CADM2: variants seen among roughly 807,000 people sequenced by gnomAD.
The protein encoded by CADM2 is immunoglobulin superfamily member 4D.
A neutral mutation model predicts 49.8 loss-of-function variants in CADM2; 12 were observed. The observed-to-expected ratio is 0.24, with a 90% CI of 0.15 to 0.39. CADM2 has a LOEUF of 0.39. Among genes scored for constraint, CADM2 ranks in the 10% least tolerant of loss-of-function variants. CADM2 has a pLI of 1.00. For missense variants in CADM2, 378 were observed against 492.3 expected (o/e 0.77, Z 2.20); for synonymous variants, 214 against 175.4 (o/e 1.22, Z -1.74).
intron 2 of CADM2, among the ~76,000 whole-genome samples, chr3:85,739,715 G>A (rs2068299109): frequency 6.6e-6 from 1 of 152,076 alleles, no homozygotes; most frequent in African/African-American, 2.4e-5. Context: ...AGTTACAGGT[G>A]AGGAAGCACT....
chr3:85,327,837 A>G (rs1272968585), intron 1 of CADM2, among the ~76,000 whole-genome samples: 1 of 152,158 alleles, frequency 6.6e-6, no homozygotes. Flanking sequence ...GAATAGTTAA[A>G]AGCTATTTCA....
intron 1 of CADM2, among the ~76,000 whole-genome samples, chr3:85,551,930 G>A (rs2061811881): frequency 6.6e-6 from 1 of 152,110 alleles, no homozygotes; most frequent in South Asian, 2.1e-4. Context: ...GGACAAAGGT[G>A]ATGGTAATTC....
At chr3:85,654,121 G>C (rs376895134) in intron 1 of CADM2, among the ~76,000 whole-genome samples, 1 of 152,170 alleles carries the variant, frequency 6.6e-6, no homozygotes, top group Non-Finnish European at 1.5e-5. Context: ...TTGATGACTG[G>C]TTGACTAGGT....
rs375979660 is a variant in CADM2 at position 84,984,032 on chromosome 3, GAT to G, written c.61+24380_61+24381del. On this transcript the variant is annotated intron_variant, in intron 1 of 9. Coordinates refer to ENST00000383699, the MANE Select transcript of CADM2 (RefSeq NM_001167675.2). ...TTTTCACAAATGGCTTCTTCATTGT[GAT>G]ATATATATATATATACACACACACA... Among the ~76,000 whole-genome samples, 651 of 144,556 alleles carry G rather than the reference GAT, an allele frequency of 4.5e-3. 5 individuals are homozygous for G. Among genetic ancestry groups the G allele is most frequent in the South Asian group, 0.022 (98 of 4,540 alleles). 94.8% of individuals were successfully genotyped at this position (144,556 alleles called of 152,430 possible). A position where few individuals can be genotyped will look rare whatever the true frequency, so the allele number is the denominator to read the frequency against.
chr3:85,179,857 AAT>A (rs2040881469), intron 1 of CADM2, among the ~76,000 whole-genome samples: 1 of 152,136 alleles, frequency 6.6e-6, no homozygotes, highest in South Asian at 2.1e-4. Context: ...ATAGGATGTT[AAT>A]ATGACCAATT....
chr3:85,569,460 C>A (rs975330976), intron 1 of CADM2, among the ~76,000 whole-genome samples: 1 of 152,014 alleles, frequency 6.6e-6, no homozygotes, highest in Admixed American at 6.6e-5. Flanking sequence ...GGAATAAATG[C>A]CCAGCAGTGC....
At chr3:85,053,510 T>G (rs535579565) in intron 1 of CADM2, among the ~76,000 whole-genome samples, 3 of 152,080 alleles carry the variant, frequency 2.0e-5, no homozygotes, top group African/African-American at 7.2e-5. Flanking sequence ...TTTTGAACAC[T>G]TAAGGCTCTG....
At position 85,929,972 on chromosome 3, in the gene CADM2, G is replaced by A. The variant is rs949292144; in HGVS notation, c.701-5795G>A. Among the ~76,000 whole-genome samples the A allele has an allele frequency of 5.3e-5, 8 of 151,948 alleles. No homozygotes were observed. In the South Asian group the frequency reaches 1.0e-3, roughly 20 times the overall value. Reference sequence around the variant, plus strand: ...TTCCTGCTATTAAAAACAATTATTCGAGAGTCAAGTTTAAGATAATAACCT... The same window carrying A: ...TTCCTGCTATTAAAAACAATTATTCAAGAGTCAAGTTTAAGATAATAACCT... On this transcript the variant is annotated intron_variant, in intron 6 of 9. Transcript: ENST00000383699.
At chr3:85,272,530 A>G (rs1413882720) in intron 1 of CADM2, among the ~76,000 whole-genome samples, 2 of 151,388 alleles carry the variant, frequency 1.3e-5, no homozygotes, top group Non-Finnish European at 3.0e-5. Flanking sequence ...TGGAGAAAAT[A>G]ATAGAAGAAT....
At chr3:85,441,928 CAGA>C (rs1208991848) in intron 1 of CADM2, among the ~76,000 whole-genome samples, 6 of 151,874 alleles carry the variant, frequency 4.0e-5, no homozygotes, top group Non-Finnish European at 7.4e-5. Context: ...GAACTATAAG[CAGA>C]AGAACAATAA....
At chr3:85,547,707 A>T (rs2061701183) in intron 1 of CADM2, among the ~76,000 whole-genome samples, 1 of 152,172 alleles carries the variant, frequency 6.6e-6, no homozygotes, top group African/African-American at 2.4e-5. Context: ...ACCAACCATG[A>T]AGTTGAATCT....
At chr3:85,643,264 ACAG>A (rs2064780113) in intron 1 of CADM2, among the ~76,000 whole-genome samples, 1 of 152,168 alleles carries the variant, frequency 6.6e-6, no homozygotes, top group Non-Finnish European at 1.5e-5. Context: ...TTATTTTTCT[ACAG>A]CACAGAATAG....
At chr3:85,211,621 T>G (rs2107769137) in intron 1 of CADM2, among the ~76,000 whole-genome samples, 1 of 152,308 alleles carries the variant, frequency 6.6e-6, no homozygotes, top group African/African-American at 2.4e-5. Context: ...ATTCCTAGTT[T>G]AATTTCATTG....
chr3:85,695,648 C>T (rs936325188), intron 1 of CADM2, among the ~76,000 whole-genome samples: 1 of 151,832 alleles, frequency 6.6e-6, no homozygotes, highest in Non-Finnish European at 1.5e-5. Flanking sequence ...TTTTCTTTAT[C>T]CATCCAAAAG....
chr3:85,934,288 T>G (rs924165781), intron 6 of CADM2, among the ~76,000 whole-genome samples: 1 of 152,084 alleles, frequency 6.6e-6, no homozygotes, highest in Non-Finnish European at 1.5e-5. Context: ...TTATTAATAT[T>G]TTCTCTTTTT....
chr3:85,506,458 A>G (rs2107676397), intron 1 of CADM2, among the ~76,000 whole-genome samples: 1 of 152,368 alleles, frequency 6.6e-6, no homozygotes, highest in Non-Finnish European at 1.5e-5. Context: ...TTTCAATAAC[A>G]TGTTAAAATT....
At chr3:85,424,187 T>C (rs561137083) in intron 1 of CADM2, among the ~76,000 whole-genome samples, 7 of 152,228 alleles carry the variant, frequency 4.6e-5, no homozygotes, top group African/African-American at 1.4e-4. Flanking sequence ...ATTTCACACA[T>C]TTAAAATGTT....
At chr3:85,557,016 G>T (rs2061976189) in intron 1 of CADM2, among the ~76,000 whole-genome samples, 1 of 152,084 alleles carries the variant, frequency 6.6e-6, no homozygotes, top group Admixed American at 6.5e-5. Context: ...ATGTCACTTT[G>T]TGGTAACCTT....
chr3:85,150,525 A>G (rs1054689132), intron 1 of CADM2, among the ~76,000 whole-genome samples: 4 of 152,216 alleles, frequency 2.6e-5, no homozygotes, highest in African/African-American at 7.2e-5. Context: ...TAGTTAGCAT[A>G]CAATTGCAAT....
Sources: gnomAD v4.1 joint callset for allele counts (sites outside exome capture counted in the v4.1 genomes callset) on GRCh38, gnomAD v4.1.1 for gene constraint, MANE v1.5 for transcripts, NCBI Gene and HGNC (gene_info 2026-07-23, HGNC 2026-07-21) for gene names.